Variants in TUB observed in about 807,000 individuals in gnomAD.
The protein encoded by TUB is TUB bipartite transcription factor.
In TUB, 33 loss-of-function variants were observed where a neutral mutation model predicts 59.7. The ratio of observed to expected loss-of-function variants is 0.55; its 90% CI spans 0.42 to 0.74. The LOEUF is 0.74. Among genes scored for constraint, TUB ranks in the 30% least tolerant of loss-of-function variants. TUB has a pLI of 0.00. For synonymous variants in TUB, 293 were observed against 256.4 expected (o/e 1.14, Z -1.36); for missense variants, 659 against 672.0 (o/e 0.98, Z 0.21).
chr11:8,070,685 T>A (rs2133795203), intron 2 of TUB, among the ~76,000 whole-genome samples: 1 of 152,292 alleles, frequency 6.6e-6, no homozygotes, highest in Non-Finnish European at 1.5e-5. Context: ...AACCATAACT[T>A]CAGTCTCAGC....
chr11:8,035,447 GCCCTAACCTCCTGCT>G (rs1035714087), upstream of TUB: 8 of 152,298 alleles, frequency 5.3e-5, no homozygotes, highest in Middle Eastern at 3.1e-3. Context: ...TTCCCGCTGG[GCCCTAACCTCCTGCT>G]CCCTTCAGCT....
In TUB at chr11:8,055,316, G is replaced by T. The variant is rs56366422; in HGVS notation, c.203+15624G>T. Among the ~76,000 whole-genome samples the T allele has an allele frequency of 7.8e-3, 1,183 of 152,282 alleles. 7 individuals carry two copies. Among genetic ancestry groups the T allele is most frequent in the Non-Finnish European group, 0.014 (923 of 68,024 alleles). On this transcript the variant is annotated intron_variant, in intron 2 of 12. Coordinates refer to the TUB transcript ENST00000305253. ...CGCATACCTCACCATTGCTCTCTAA[G>T]GCCTCAGCCATTACTCTGGATTATC...
chr11:8,100,584 T>C lies in TUB; in HGVS notation c.1198T>C (p.Ser400Pro). The change falls in exon 10 of 12, where the codon TCT (serine) becomes CCT (proline). Residue 400 changes from serine (S) to proline (P), a missense_variant. Ser to Pro is a moderately conservative substitution (Grantham distance 74). Coordinates refer to ENST00000299506, the MANE Select transcript of TUB (RefSeq NM_177972.3). ...PGMNMVHERV[S>P]IRPRNEHETL... is the part of the protein sequence containing the mutation. ...CATGAACATGGTTCATGAGAGAGTC[T>C]CTATCCGCCCCCGCAACGTGAGTGT... is the stretch of plus-strand genomic sequence containing the variant. The C allele has an allele frequency of 6.2e-7, 1 of 1,614,090 alleles. No homozygotes were observed.
At position 8,100,866 on chromosome 11, in the gene TUB, C is replaced by T. The variant is rs184649891; in HGVS notation, c.1256C>T (p.Thr419Met). ...CTAGCACGCTGGCAGAATAAGAACA[C>T]GGAGAGTATCATCGAGCTGCAAAAC... Reference protein sequence around the residue: ...TLLARWQNKNTESIIELQNKT... With the variant: ...TLLARWQNKNMESIIELQNKT... The change falls in exon 11 of 12, where the codon ACG becomes ATG. Residue 419 changes from threonine to methionine, a missense_variant. This residue lies in a region of TUB where 226 missense variants were observed against 210.8 expected (regional missense o/e 1.07). Transcript: ENST00000299506. 2.0e-5 allele frequency: 33 copies of T among 1,614,144 alleles called. No homozygotes were observed. The Admixed American group carries it at 2.2e-4, about 11-fold the overall frequency.
At position 8,101,477 on chromosome 11, in the gene TUB, TG is replaced by T. The variant is rs757715389; in HGVS notation, c.1388-7del. On this transcript the variant is annotated splice_region_variant and splice_polypyrimidine_tract_variant and intron_variant, in intron 11 of 11. Transcript: ENST00000299506. ...CCTTTTCTCTGTCTGTGCCTGTGCT[TG>T]GCCCCAGCGGACTACATCGTGATGC... The T allele has an allele frequency of 4.3e-6, 7 of 1,614,162 alleles. No homozygotes were observed. In the South Asian group the frequency reaches 7.7e-5, roughly 18 times the overall value.
intron 6 of TUB, 24 bp from the exon 7 acceptor site, chr11:8,097,204 G>A (rs1174239645): frequency 1.2e-6 from 2 of 1,613,200 alleles, no homozygotes; most frequent in Admixed American, 3.3e-5. Context: ...TTGGGGCTCA[G>A]GCACCTATTC....
intron 2 of TUB, among the ~76,000 whole-genome samples, chr11:8,053,646 G>A (rs1011851910): frequency 1.3e-5 from 2 of 150,378 alleles, no homozygotes; most frequent in Non-Finnish European, 3.0e-5. Flanking sequence ...GACTACCGGC[G>A]CCCGCCACGA....
chr11:8,090,019 C>T (rs770253773), intron 2 of TUB, 50 bp from the exon 3 acceptor site: 34 of 1,521,014 alleles, frequency 2.2e-5, no homozygotes, highest in Middle Eastern at 1.8e-4. Context: ...ACTGGGAGCC[C>T]GCCCTTCCTG....
intron 4 of TUB, 28 bp from the exon 5 acceptor site, chr11:8,095,470 G>A: frequency 1.3e-6 from 2 of 1,583,428 alleles, no homozygotes; most frequent in Non-Finnish European, 8.6e-7. Flanking sequence ...CCTCCTGGAT[G>A]TAACTCAGGC....
chr11:8,077,640 TC>T (rs928672520), upstream of TUB: 1 of 152,344 alleles, frequency 6.6e-6, no homozygotes, highest in African/African-American at 2.4e-5. Flanking sequence ...ATCATCCTTT[TC>T]CACTCTTGGG....
intron 5 of TUB, 116 bp downstream of exon 5, chr11:8,095,781 T>G (rs987987368): frequency 1.0e-4 from 117 of 1,171,970 alleles, no homozygotes; most frequent in East Asian, 8.0e-4. Flanking sequence ...CAATGGTGGG[T>G]GAGGGTGGGG....
At chr11:8,026,473 T>TAAAA (rs35114711) in intron 1 of TUB, among the ~76,000 whole-genome samples, 14 of 148,506 alleles carry the variant, frequency 9.4e-5, no homozygotes, top group Non-Finnish European at 1.9e-4. Context: ...TGAGATTCAT[T>TAAAA]AAAAAAAAAA....
At chr11:8,078,019 T>C (rs543082172), upstream of TUB, among the ~76,000 whole-genome samples, 9 of 152,332 alleles carry the variant, frequency 5.9e-5, no homozygotes, top group Admixed American at 5.9e-4. Flanking sequence ...TGACTAGAGA[T>C]GGCCCACACT....
chr11:8,045,033 A>G (rs1458317093), intron 2 of TUB, among the ~76,000 whole-genome samples: 2 of 152,176 alleles, frequency 1.3e-5, no homozygotes, highest in Non-Finnish European at 2.9e-5. Context: ...CCTGTTACAT[A>G]GGTACAACTG....
upstream of TUB, among the ~76,000 whole-genome samples, chr11:8,037,145 C>T (rs1005575460): frequency 6.6e-6 from 1 of 152,224 alleles, no homozygotes; most frequent in African/African-American, 2.4e-5. Flanking sequence ...GTCCACTTCC[C>T]CACCTGGCAG....
intron 2 of TUB, among the ~76,000 whole-genome samples, chr11:8,041,678 T>G (rs970482662): frequency 2.6e-5 from 4 of 152,138 alleles, no homozygotes; most frequent in Admixed American, 6.5e-5. Context: ...GAGCCCTAGT[T>G]TTTCTCCTCA....
At chr11:8,083,883 G>A (rs1943617262) in intron 1 of TUB, among the ~76,000 whole-genome samples, 1 of 152,174 alleles carries the variant, frequency 6.6e-6, no homozygotes, top group African/African-American at 2.4e-5. Flanking sequence ...ACTGGAACTG[G>A]GGTGCAGACT....
intron 1 of TUB, among the ~76,000 whole-genome samples, chr11:8,028,462 G>A (rs1272929155): frequency 6.6e-6 from 1 of 152,072 alleles, no homozygotes; most frequent in African/African-American, 2.4e-5. Context: ...TCTTTTTTCT[G>A]TTGGTTATGC....
Position 8,090,142 on chromosome 11 carries a change from G to A in TUB, c.164G>A (p.Arg55Gln), listed in dbSNP as rs371844684. 2.5e-5 allele frequency: 40 copies of A among 1,613,612 alleles called. No homozygotes were observed. Among genetic ancestry groups the A allele is most frequent in the East Asian group, 2.0e-4 (9 of 44,874 alleles). ...ATGGTGCAGGCCAATGCAGATGGGC[G>A]GCCCCGGAGCCGGCGGGCCCGGCAG... is the stretch of plus-strand genomic sequence containing the variant. ...PLMVQANADGRPRSRRARQSE... is the reference protein window; with the variant it reads ...PLMVQANADGQPRSRRARQSE... Residue 55 changes from arginine (R) to glutamine (Q), a missense_variant, in exon 3 of 12, where the codon CGG becomes CAG. Transcript: ENST00000299506.
Sources: gnomAD v4.1 joint callset for allele counts (sites outside exome capture counted in the v4.1 genomes callset) on GRCh38, gnomAD v4.1.1 for gene constraint, gnomAD v4.1.1 regional missense constraint, MANE v1.5 for transcripts, NCBI Gene and HGNC (gene_info 2026-07-23, HGNC 2026-07-21) for gene names.